Variants in KLHL42 observed in about 807,000 individuals in gnomAD.
KLHL42 encodes kelch-like protein 42.
A neutral mutation model predicts 32.7 loss-of-function variants in KLHL42; 27 were observed. That is an observed-to-expected ratio of 0.83 (90% CI 0.61 to 1.14). KLHL42 has a LOEUF of 1.14. Among genes scored for constraint, KLHL42 ranks in the 50% most tolerant of loss-of-function variants. The pLI, the probability that KLHL42 is intolerant of heterozygous loss-of-function variation, is 0.00. For synonymous variants in KLHL42, 267 were observed against 248.2 expected (o/e 1.08, Z -0.71); for missense variants, 491 against 560.8 (o/e 0.88, Z 1.26).
Position 27,799,918 on chromosome 12 carries a change from TA to T in KLHL42, c.*1759del, listed in dbSNP as rs1565485923. On this transcript the variant is annotated 3_prime_UTR_variant, in exon 3 of 3. Coordinates refer to ENST00000381271, the MANE Select transcript of KLHL42 (RefSeq NM_020782.2). ...CATTTATTCCCAAATATTAAGCCCT[TA>T]AAAAAATAAAACCTCTGAACCAAAA... 4 of 855,534 alleles carry T rather than the reference TA, an allele frequency of 4.7e-6. No individual in the cohort carries two copies. Among genetic ancestry groups the T allele is most frequent in the Non-Finnish European group, 5.6e-6 (4 of 711,526 alleles). 53.0% of individuals were successfully genotyped at this position (855,534 alleles called of 1,614,324 possible).
At position 27,802,957 on chromosome 12, in the gene KLHL42, C is replaced by T. The variant is rs2062255023; in HGVS notation, c.*4791C>T. 6.6e-6 allele frequency: 1 copy of T among 152,150 alleles called. No homozygotes were observed. Among genetic ancestry groups the T allele is most frequent in the Admixed American group, 6.5e-5 (1 of 15,276 alleles). 9.4% of individuals were successfully genotyped at this position (152,150 alleles called of 1,614,324 possible). A position where few individuals can be genotyped will look rare whatever the true frequency, so the allele number is the denominator to read the frequency against. ...GTGATTCATTTGAATACAAGAATGC[C>T]TATGAAATACCCACTATAACAGCAT... On this transcript the variant is annotated 3_prime_UTR_variant, in exon 3 of 3. Transcript: ENST00000381271.
At position 27,802,169 on chromosome 12, in the gene KLHL42, T is replaced by C. The variant is rs573503992; in HGVS notation, c.*4003T>C. The C allele has an allele frequency of 2.0e-4, 30 of 152,366 alleles. No homozygotes were observed. The highest frequency in any genetic ancestry group is 7.0e-4 in the African/African-American group (29 of 41,586). The allele number at this position is 152,366 out of a possible 1,614,324, so 9.4% of individuals were successfully genotyped here. A position where few individuals can be genotyped will look rare whatever the true frequency, so the allele number is the denominator to read the frequency against. On this transcript the variant is annotated 3_prime_UTR_variant, in exon 3 of 3. Transcript: ENST00000381271. Reference sequence around the variant, plus strand: ...TTTTTTTCTCACTGCTTTTCAGTCTTCTCTGTACTTCATTTTTGTGAAAAA... The same window carrying C: ...TTTTTTTCTCACTGCTTTTCAGTCTCCTCTGTACTTCATTTTTGTGAAAAA...
chr12:27,797,428 T>C, intron 2 of KLHL42: 1 of 526,068 alleles, frequency 1.9e-6, no homozygotes, highest in Non-Finnish European at 3.6e-6. Flanking sequence ...GGTGTGGGGA[T>C]ACCAGGGAGG....
At position 27,799,587 on chromosome 12, in the gene KLHL42, A is replaced by G. The variant is rs2062235243; in HGVS notation, c.*1421A>G. 6.6e-6 allele frequency: 1 copy of G among 152,460 alleles called. No homozygotes were observed. The highest frequency in any genetic ancestry group is 2.4e-5 in the African/African-American group (1 of 41,440). 9.4% of individuals were successfully genotyped at this position (152,460 alleles called of 1,614,324 possible). On this transcript the variant is annotated 3_prime_UTR_variant, in exon 3 of 3. Coordinates refer to ENST00000381271, the MANE Select transcript of KLHL42 (RefSeq NM_020782.2). ...GTCAGAGCGAATTCATGCATTCAAC[A>G]AACACTTATGAGTGCCTGGAGTATG... is the stretch of plus-strand genomic sequence containing the variant.
chr12:27,786,925 C>G (rs2062174768), intron 1 of KLHL42, among the ~76,000 whole-genome samples: 1 of 151,538 alleles, frequency 6.6e-6, no homozygotes, highest in Non-Finnish European at 1.5e-5. Context: ...TGGGGTTTCA[C>G]TGTGTTAGCC....
chr12:27,784,572 C>T (rs10083012), intron 1 of KLHL42, among the ~76,000 whole-genome samples: 22,839 of 152,000 alleles, frequency 0.15, 4,919 homozygotes, highest in African/African-American at 0.48. Flanking sequence ...TCTCATCGGG[C>T]CCGTGAATAG....
intron 1 of KLHL42, among the ~76,000 whole-genome samples, chr12:27,787,094 TAA>T (rs1048218245): frequency 4.6e-5 from 7 of 151,958 alleles, no homozygotes; most frequent in African/African-American, 1.7e-4. Flanking sequence ...CATCAGAGGG[TAA>T]AAAAGAAATG....
In KLHL42 at chr12:27,780,416, A is replaced by G. The variant is rs911425310; in HGVS notation, c.86A>G (p.Tyr29Cys). 3 of 1,559,342 alleles carry G rather than the reference A, an allele frequency of 1.9e-6. No homozygotes were observed. The South Asian group carries it at 3.5e-5, about 18-fold the overall frequency. ...AGGAAGCTCATCGAGCAGAGCGACT[A>G]CTTCCGCGCCCTCTACCGCTCCGGC... is the stretch of plus-strand genomic sequence containing the variant. The part of the protein sequence containing the change: ...SKRKLIEQSD[Y>C]FRALYRSGMR... The change falls in exon 1 of 3, where the codon TAC (tyrosine) becomes TGC (cysteine). Residue 29 changes from tyrosine (Y) to cysteine (C), a missense_variant. Tyr to Cys is a radical substitution (Grantham distance 194). Around this residue, in one of 4 missense-constraint regions of KLHL42, gnomAD observed 88 missense variants for 89.0 expected, o/e 0.99. Coordinates refer to ENST00000381271, the MANE Select transcript of KLHL42 (RefSeq NM_020782.2). The surrounding 1 kb of genome is among the most constrained non-coding windows in gnomAD (Gnocchi z 8.8).
At chr12:27,790,195 C>G (rs1004480063) in intron 1 of KLHL42, among the ~76,000 whole-genome samples, 1 of 152,100 alleles carries the variant, frequency 6.6e-6, no homozygotes, top group African/African-American at 2.4e-5. Flanking sequence ...TGGTCTAGCA[C>G]CTTTATTTCA....
In KLHL42 at chr12:27,780,971, G is replaced by A; in HGVS notation, c.641G>A (p.Gly214Glu). ...GGPLAPHPYQ[G>E]EPPSMLRYEE... ...CCCCTGGCCCCTCACCCCTACCAGG[G>A]GGAGCCCCCGTCCATGCTCAGGTAC... Residue 214 changes from glycine to glutamate, a missense_variant, in exon 1 of 3, where the codon GGG (glycine) becomes GAG (glutamate). Physicochemically the swap from Gly to Glu is moderately conservative, Grantham distance 98 (BLOSUM62 -2). Around this residue, in one of 4 missense-constraint regions of KLHL42, gnomAD observed 248 missense variants for 329.2 expected, o/e 0.75. Transcript: ENST00000381271. This position sits in a 1 kb window ranked among gnomAD's most constrained non-coding sequence, Gnocchi z 8.8. 1 of 1,600,204 alleles carries A rather than the reference G, an allele frequency of 6.2e-7. No individual in the cohort carries two copies. The highest frequency in any genetic ancestry group is 8.5e-7 in the Non-Finnish European group (1 of 1,170,604).
In KLHL42 at chr12:27,781,219, A is replaced by G; in HGVS notation, c.872+17A>G. The G allele has an allele frequency of 6.2e-7, 1 of 1,611,704 alleles. No individual in the cohort carries two copies. The highest frequency in any genetic ancestry group is 8.5e-7 in the Non-Finnish European group (1 of 1,179,522). Reference sequence around the variant, plus strand: ...CCAGAAGAGGTAAGCACCCCGGCAGAGTGCTGCTGCCTTCTCATTCATTCA... The same window carrying G: ...CCAGAAGAGGTAAGCACCCCGGCAGGGTGCTGCTGCCTTCTCATTCATTCA... On this transcript the variant is annotated intron_variant, in intron 1 of 2. Coordinates refer to ENST00000381271, the MANE Select transcript of KLHL42 (RefSeq NM_020782.2).
At chr12:27,789,342 GC>G in intron 1 of KLHL42, among the ~76,000 whole-genome samples, 2 of 152,196 alleles carry the variant, frequency 1.3e-5, no homozygotes, top group Admixed American at 1.3e-4. Flanking sequence ...CCCTGTGTAA[GC>G]CTGGACTCAT....
chr12:27,797,598 TGAAA>T (rs2062224734), intron 2 of KLHL42, 113 bp from the exon 3 acceptor site: 1 of 655,084 alleles, frequency 1.5e-6, no homozygotes, highest in African/African-American at 1.8e-5. Context: ...GTGCTTTTTC[TGAAA>T]GAGTTTTTTC....
At chr12:27,793,562 G>A (rs1055419640) in intron 2 of KLHL42, among the ~76,000 whole-genome samples, 33 of 150,350 alleles carry the variant, frequency 2.2e-4, no homozygotes, top group Non-Finnish European at 4.0e-4. Context: ...AAAAAAAAAA[G>A]AAAAGAAAAA....
chr12:27,785,691 CTGT>C (rs1367900428), intron 1 of KLHL42, among the ~76,000 whole-genome samples: 8 of 152,062 alleles, frequency 5.3e-5, no homozygotes, highest in African/African-American at 9.7e-5. Flanking sequence ...TTGAAATTCT[CTGT>C]TGTTGTCTCT....
chr12:27,788,487 A>G (rs561650655), intron 1 of KLHL42, among the ~76,000 whole-genome samples: 1 of 152,296 alleles, frequency 6.6e-6, no homozygotes, highest in South Asian at 2.1e-4. Flanking sequence ...AGCTACTGTT[A>G]ATCCTTGAGA....
At chr12:27,783,552 C>G (rs914806115) in intron 1 of KLHL42, among the ~76,000 whole-genome samples, 2 of 151,980 alleles carry the variant, frequency 1.3e-5, no homozygotes, top group African/African-American at 4.8e-5. Flanking sequence ...TTTTCTGTGT[C>G]AACAAATGTA....
chr12:27,789,990 T>C (rs756121956), intron 1 of KLHL42, among the ~76,000 whole-genome samples: 1 of 152,228 alleles, frequency 6.6e-6, no homozygotes, highest in Non-Finnish European at 1.5e-5. Flanking sequence ...CTAGTTTCCA[T>C]AGTGTAATGC....
At chr12:27,794,011 A>G (rs139678900) in intron 2 of KLHL42, among the ~76,000 whole-genome samples, 80 of 152,258 alleles carry the variant, frequency 5.3e-4, no homozygotes, top group African/African-American at 1.8e-3. Flanking sequence ...TGTTTTGGGG[A>G]TTTATGTTAG....
Sources: gnomAD v4.1 joint callset for allele counts (sites outside exome capture counted in the v4.1 genomes callset) on GRCh38, gnomAD v4.1.1 for gene constraint, gnomAD v4.1.1 regional missense constraint, Gnocchi (gnomAD v3.1) non-coding constraint, MANE v1.5 for transcripts, NCBI Gene and HGNC (gene_info 2026-07-23, HGNC 2026-07-21) for gene names.